The following ACOXL variants were observed in gnomAD, a reference collection of about 807,000 sequenced individuals.
ACOXL encodes acyl-CoA oxidase like, also known as acyl-coenzyme A oxidase-like protein.
ACOXL carries 70 observed loss-of-function variants against 71.9 expected under a neutral mutation model. That is an observed-to-expected ratio of 0.97 (90% CI 0.80 to 1.19). ACOXL has a LOEUF of 1.19. Among genes scored for constraint, ACOXL ranks in the 50% most tolerant of loss-of-function variants. ACOXL has a pLI of 0.00. For synonymous variants in ACOXL, 253 were observed against 281.6 expected, an observed-to-expected ratio of 0.90 and a Z score of 1.02; for missense variants, 703 against 736.3, an observed-to-expected ratio of 0.95 and a Z score of 0.52.
At chr2:110,781,493 T>G (rs1170437551) in intron 2 of ACOXL, among the ~76,000 whole-genome samples, 1 of 151,534 alleles carries the variant, frequency 6.6e-6, no homozygotes, top group Non-Finnish European at 1.5e-5. Flanking sequence ...TACAAAAAAA[T>G]TAGCCAGGCA....
intron 12 of ACOXL, among the ~76,000 whole-genome samples, chr2:110,946,226 C>T (rs941010408): frequency 6.6e-6 from 1 of 152,156 alleles, no homozygotes; most frequent in Non-Finnish European, 1.5e-5. Context: ...TTTTGTACAT[C>T]AATTTTCTAT....
intron 12 of ACOXL, among the ~76,000 whole-genome samples, chr2:110,959,914 G>A (rs1202202285): frequency 6.6e-6 from 1 of 152,196 alleles, no homozygotes; most frequent in Non-Finnish European, 1.5e-5. Flanking sequence ...GCAGGGGTTG[G>A]GGACAGGTGG....
At chr2:111,101,349 A>T (rs887665064) in intron 17 of ACOXL, 1 of 152,204 alleles carries the variant, frequency 6.6e-6, no homozygotes, top group African/African-American at 2.4e-5. Flanking sequence ...GCCCACACCC[A>T]TACCCGCCGG....
intron 12 of ACOXL, among the ~76,000 whole-genome samples, chr2:110,966,716 C>T (rs1306665956): frequency 6.6e-6 from 1 of 152,200 alleles, no homozygotes; most frequent in Non-Finnish European, 1.5e-5. Flanking sequence ...GGAGCCTTCA[C>T]CTCATCCAGC....
At chr2:110,879,030 C>A (rs1487402645) in intron 10 of ACOXL, among the ~76,000 whole-genome samples, 1 of 150,482 alleles carries the variant, frequency 6.6e-6, no homozygotes, top group Non-Finnish European at 1.5e-5. Flanking sequence ...ACCCTCCAGC[C>A]TGGGCGACAG....
chr2:110,876,297 A>T (rs1039074655), intron 10 of ACOXL, among the ~76,000 whole-genome samples: 11 of 152,158 alleles, frequency 7.2e-5, no homozygotes, highest in African/African-American at 2.7e-4. Context: ...CAGGCAGAGA[A>T]ATGAGGTGGG....
At chr2:110,968,742 C>T (rs943502263) in intron 12 of ACOXL, 6 of 456,812 alleles carry the variant, frequency 1.3e-5, no homozygotes, top group Admixed American at 1.3e-4. Flanking sequence ...TTTTCTATGA[C>T]GATTTTTCAG....
At chr2:110,793,945 A>G in intron 4 of ACOXL, 131 bp from the exon 5 acceptor site, 1 of 909,060 alleles carries the variant, frequency 1.1e-6, no homozygotes, top group Non-Finnish European at 1.7e-6. Context: ...CGCTGTCATC[A>G]GACTGCATTT....
chr2:110,972,659 A>G (rs2062257809), intron 12 of ACOXL, among the ~76,000 whole-genome samples: 1 of 151,872 alleles, frequency 6.6e-6, no homozygotes, highest in Admixed American at 6.6e-5. Flanking sequence ...GCACACACAC[A>G]CACACACACA....
chr2:111,024,731 T>C (rs915959152), intron 14 of ACOXL, among the ~76,000 whole-genome samples: 2 of 152,006 alleles, frequency 1.3e-5, no homozygotes, highest in Admixed American at 6.6e-5. Flanking sequence ...CGGTATCTTG[T>C]TATCAGGAAA....
intron 2 of ACOXL, among the ~76,000 whole-genome samples, chr2:110,777,936 C>T (rs1682853447): frequency 6.6e-6 from 1 of 152,224 alleles, no homozygotes; most frequent in African/African-American, 2.4e-5. Context: ...GGCTGCCTTC[C>T]TGCCACAAGA....
chr2:110,877,181 G>C (rs1696026979), intron 10 of ACOXL, among the ~76,000 whole-genome samples: 1 of 152,242 alleles, frequency 6.6e-6, no homozygotes, highest in Non-Finnish European at 1.5e-5. Flanking sequence ...CAGTGGGTGT[G>C]GCTGTCTCAC....
rs1026489146 is a variant in ACOXL at position 110,938,851 on chromosome 2, T to TAA, written c.1059+5215_1059+5216dup. Among the ~76,000 whole-genome samples the TAA allele has an allele frequency of 4.4e-4, 63 of 144,784 alleles. 2 individuals carry two copies. Among genetic ancestry groups the TAA allele is most frequent in the Admixed American group, 4.2e-3 (61 of 14,392 alleles). 95.0% of individuals were successfully genotyped at this position (144,784 alleles called of 152,430 possible). ...TTTACCCTGAACACTTTTTTTTTTT[T>TAA]AAAAAAACATGATTTTATTGTTACT... On this transcript the variant is annotated intron_variant, in intron 12 of 17. Transcript: ENST00000439055.
chr2:110,981,755 A>T (rs1053831665), intron 12 of ACOXL, among the ~76,000 whole-genome samples: 4 of 152,118 alleles, frequency 2.6e-5, no homozygotes, highest in African/African-American at 9.7e-5. Context: ...TGTACCTGTC[A>T]TGTTCTTTAC....
chr2:110,999,565 G>A (rs2063533964), intron 14 of ACOXL, among the ~76,000 whole-genome samples: 1 of 152,108 alleles, frequency 6.6e-6, no homozygotes, highest in Non-Finnish European at 1.5e-5. Flanking sequence ...ACAGCCTTGA[G>A]TGTCTTCTCC....
chr2:111,029,800 T>A (rs1039992707), intron 14 of ACOXL, among the ~76,000 whole-genome samples: 2 of 152,186 alleles, frequency 1.3e-5, no homozygotes, highest in Non-Finnish European at 2.9e-5. Context: ...GGAAGAGCAC[T>A]TGGGAGCTGG....
At chr2:111,008,062 G>A (rs958347) in intron 14 of ACOXL, among the ~76,000 whole-genome samples, 54,785 of 151,984 alleles carry the variant, frequency 0.36, 10,523 homozygotes, top group African/African-American at 0.48. Context: ...ACTGGAATAC[G>A]GTATTTTTCT....
At chr2:110,742,640 G>A (rs1289434128) in intron 1 of ACOXL, among the ~76,000 whole-genome samples, 1 of 152,142 alleles carries the variant, frequency 6.6e-6, no homozygotes, top group African/African-American at 2.4e-5. Flanking sequence ...TGAATTTGGG[G>A]AATTCTCTAG....
chr2:111,058,464 C>A (rs1459425189), intron 16 of ACOXL, among the ~76,000 whole-genome samples: 1 of 152,174 alleles, frequency 6.6e-6, no homozygotes. Context: ...GGCAGCAAAG[C>A]CTAGCAGTCA....
Sources: allele counts gnomAD v4.1 joint callset (sites outside exome capture counted in the v4.1 genomes callset), GRCh38; gene constraint gnomAD v4.1.1; transcripts MANE v1.5; gene names NCBI Gene and HGNC (gene_info 2026-07-23, HGNC 2026-07-21).